Variants in KSR1 observed in about 807,000 individuals in gnomAD.
KSR1 encodes kinase suppressor of ras 1.
KSR1 carries 35 observed loss-of-function variants against 92.9 expected under a neutral mutation model. That is an observed-to-expected ratio of 0.38 (90% CI 0.29 to 0.50). The LOEUF is 0.50. KSR1 is among the 20% of genes least tolerant of loss of function. The probability of loss-of-function intolerance (pLI) is 0.94; values close to 1 mark genes in which losing one functional copy is unlikely to be tolerated. For synonymous variants in KSR1, 467 were observed against 472.6 expected, an observed-to-expected ratio of 0.99 and a Z score of 0.15; for missense variants, 972 against 1,158.5, an observed-to-expected ratio of 0.84 and a Z score of 2.34.
rs574680892 is a variant in KSR1 at position 27,457,113 on chromosome 17, C to A, written c.231+239C>A. On this transcript the variant is annotated intron_variant, in intron 1 of 20. Transcript: ENST00000644974. ...GGGATGGAGGCTCGAGGGGCCCGTG[C>A]GGGGTGGGCTGCGCGCGGACATCCC... 7.9e-5 allele frequency among the ~76,000 whole-genome samples: 12 copies of A among 151,708 alleles called. No homozygotes were observed. In the East Asian group the frequency reaches 1.8e-3, roughly 22 times the overall value.
At chr17:27,587,951 A>G (rs1042232488) in intron 5 of KSR1, among the ~76,000 whole-genome samples, 2 of 152,136 alleles carry the variant, frequency 1.3e-5, no homozygotes, top group African/African-American at 4.8e-5. Flanking sequence ...CTATCTGCCC[A>G]TATCTGGCAG....
intron 4 of KSR1, chr17:27,583,998 A>G: frequency 1.0e-6 from 1 of 982,850 alleles, no homozygotes; most frequent in Non-Finnish European, 1.2e-6. Context: ...ACTTGTTCAT[A>G]TTATTTCGTT....
At chr17:27,532,206 A>G (rs1284350727) in intron 1 of KSR1, among the ~76,000 whole-genome samples, 1 of 152,340 alleles carries the variant, frequency 6.6e-6, no homozygotes, top group East Asian at 1.9e-4. Context: ...AATAATCCTC[A>G]CTGGTTGACG....
At chr17:27,475,639 T>C (rs1488213401) in intron 1 of KSR1, among the ~76,000 whole-genome samples, 1 of 152,166 alleles carries the variant, frequency 6.6e-6, no homozygotes, top group African/African-American at 2.4e-5. Context: ...TGCCCTTCCG[T>C]CCACCCCATC....
intron 1 of KSR1, among the ~76,000 whole-genome samples, chr17:27,535,902 C>A (rs1405990238): frequency 1.3e-5 from 2 of 152,232 alleles, no homozygotes; most frequent in African/African-American, 2.4e-5. Context: ...ACCAGAATTA[C>A]CCCTAGTGAC....
intron 1 of KSR1, among the ~76,000 whole-genome samples, chr17:27,466,841 C>CT (rs1567737296): frequency 2.0e-5 from 3 of 152,270 alleles, no homozygotes; most frequent in African/African-American, 7.2e-5. Context: ...GGCTCCCACA[C>CT]TGCTGCCTGA....
chr17:27,592,264 TGG>T, intron 7 of KSR1, 95 bp from the exon 8 acceptor site: 1 of 893,322 alleles, frequency 1.1e-6, no homozygotes, highest in South Asian at 1.5e-5. Flanking sequence ...TGTGTGAAAA[TGG>T]AGACAGTCCT....
At chr17:27,552,057 C>A (rs1295280063) in intron 2 of KSR1, among the ~76,000 whole-genome samples, 1 of 152,184 alleles carries the variant, frequency 6.6e-6, no homozygotes, top group Non-Finnish European at 1.5e-5. Context: ...GAGTGCTCTG[C>A]CCATGACTCA....
chr17:27,621,397 A>G (rs1396824220), intron 20 of KSR1, 124 bp downstream of exon 20: 1 of 394,618 alleles, frequency 2.5e-6, no homozygotes, highest in Non-Finnish European at 4.5e-6. Flanking sequence ...TCGCAAACCA[A>G]AGTGAGGTTT....
rs2945402 is a variant in KSR1, at chr17:27,577,341, T to C, written c.373-151T>C. ...GAGGGTGGGGGCCAGGGAGCTCTGC[T>C]TGTGTCCCCAAGCACGTGGTGGCTC... On this transcript the variant is annotated intron_variant, in intron 2 of 20. Coordinates refer to ENST00000644974, the MANE Select transcript of KSR1 (RefSeq NM_001394583.1). The surrounding 1 kb of genome is among the most constrained non-coding windows in gnomAD (Gnocchi z 4.5). 0.6 allele frequency: 350,664 copies of C among 584,722 alleles called. 106,026 individuals are homozygous for C. Among genetic ancestry groups the C allele is most frequent in the Admixed American group, 0.71 (21,733 of 30,622 alleles). 36.2% of individuals were successfully genotyped at this position (584,722 alleles called of 1,614,324 possible). A position where few individuals can be genotyped will look rare whatever the true frequency, so the allele number is the denominator to read the frequency against.
At chr17:27,482,285 G>C (rs2068535159) in intron 1 of KSR1, among the ~76,000 whole-genome samples, 3 of 152,122 alleles carry the variant, frequency 2.0e-5, no homozygotes, top group Admixed American at 2.0e-4. Flanking sequence ...TATATCCATG[G>C]CCCTGGGGTT....
At chr17:27,476,329 C>T (rs773714359) in intron 1 of KSR1, among the ~76,000 whole-genome samples, 38 of 152,198 alleles carry the variant, frequency 2.5e-4, no homozygotes, top group Non-Finnish European at 4.9e-4. Context: ...TGCTGAGAAA[C>T]AGGGAAGTTT....
chr17:27,529,536 C>T (rs1436302243), intron 1 of KSR1, among the ~76,000 whole-genome samples: 1 of 152,258 alleles, frequency 6.6e-6, no homozygotes, highest in Non-Finnish European at 1.5e-5. Flanking sequence ...ACGCTCCTGC[C>T]ATGCTCCTGC....
intron 2 of KSR1, among the ~76,000 whole-genome samples, chr17:27,575,211 G>A (rs2151148747): frequency 6.6e-6 from 1 of 152,320 alleles, no homozygotes; most frequent in Admixed American, 6.5e-5. Context: ...CAGCCCTGAG[G>A]GCTGCTAGTT....
chr17:27,468,886 C>T lies in KSR1; in HGVS notation c.231+12012C>T, dbSNP rs187372424. 2.6e-3 allele frequency among the ~76,000 whole-genome samples: 393 copies of T among 152,252 alleles called. 1 individual carries two copies. Among genetic ancestry groups the T allele is most frequent in the Admixed American group, 5.6e-3 (86 of 15,284 alleles). On this transcript the variant is annotated intron_variant, in intron 1 of 20. Transcript: ENST00000644974. The stretch of plus-strand genomic sequence containing the variant: ...CAGAGACTGAGATGAGAGTTTTTAA[C>T]GAAGCAGGGCCCCCAGACCCAGCGG...
At chr17:27,545,727 G>A (rs762991423) in intron 1 of KSR1, among the ~76,000 whole-genome samples, 6 of 152,180 alleles carry the variant, frequency 3.9e-5, no homozygotes, top group Admixed American at 6.5e-5. Flanking sequence ...TGGAGGAAGT[G>A]GTGTCTGAGC....
chr17:27,574,705 A>G lies in KSR1; in HGVS notation c.373-2787A>G, dbSNP rs533442017. On this transcript the variant is annotated intron_variant, in intron 2 of 20. Transcript: ENST00000644974. The stretch of plus-strand genomic sequence containing the variant: ...TGAGACAAGGAATTACAGCATGTAA[A>G]TGGAATGACAATGAAATTAGTCCTT... 2.0e-5 allele frequency among the ~76,000 whole-genome samples: 3 copies of G among 152,362 alleles called. No homozygotes were observed. In the East Asian group the frequency reaches 5.8e-4, roughly 29 times the overall value.
At chr17:27,546,216 C>A (rs564847539) in intron 1 of KSR1, among the ~76,000 whole-genome samples, 1 of 152,110 alleles carries the variant, frequency 6.6e-6, no homozygotes, top group South Asian at 2.1e-4. Context: ...ATGTTTTATG[C>A]CAGGTGCTGT....
chr17:27,501,263 T>C (rs1182421303), intron 1 of KSR1, among the ~76,000 whole-genome samples: 2 of 147,458 alleles, frequency 1.4e-5, no homozygotes, highest in Admixed American at 6.8e-5. Context: ...ATTTTCTTTT[T>C]CTTTTTTTTT....
Sources: allele counts gnomAD v4.1 joint callset (sites outside exome capture counted in the v4.1 genomes callset), GRCh38; gene constraint gnomAD v4.1.1; non-coding constraint Gnocchi (gnomAD v3.1); transcripts MANE v1.5; gene names NCBI Gene and HGNC (gene_info 2026-07-23, HGNC 2026-07-21).